RFC3: variants seen among roughly 807,000 people sequenced by gnomAD.
RFC3 encodes the protein replication factor C subunit 3.
In RFC3, 41 loss-of-function variants were observed where a neutral mutation model predicts 45.1. The ratio of observed to expected loss-of-function variants is 0.91; its 90% confidence interval spans 0.71 to 1.18. The LOEUF is 1.18. Ranked by LOEUF, RFC3 falls within the 50% of genes most tolerant of loss-of-function variation. The pLI, the probability that RFC3 is intolerant of heterozygous loss-of-function variation, is 0.00. For synonymous variants in RFC3, 149 were observed against 144.0 expected (o/e 1.03, Z -0.25); for missense variants, 423 against 428.1 (o/e 0.99, Z 0.10).
chr13:33,830,723 G>A lies in RFC3; in HGVS notation c.578G>A (p.Cys193Tyr). ...RVPAPSIEDI[C>Y]HVLSTVCKKE... Reference sequence around the variant, plus strand: ...TTTTGTTAATTTTATTTGTAGATTTGCCACGTGTTATCTACTGTGTGTAAG... The same window carrying A: ...TTTTGTTAATTTTATTTGTAGATTTACCACGTGTTATCTACTGTGTGTAAG... Residue 193 changes from cysteine to tyrosine, a missense_variant, in exon 6 of 9, where the codon TGC (cysteine) becomes TAC (tyrosine). By Grantham distance (194) the Cys-to-Tyr change is radical. Coordinates refer to ENST00000380071, the MANE Select transcript of RFC3 (RefSeq NM_002915.4). The A allele has an allele frequency of 6.3e-7, 1 of 1,596,992 alleles. No individual in the cohort carries two copies. Among genetic ancestry groups the A allele is most frequent in the Non-Finnish European group, 8.5e-7 (1 of 1,174,520 alleles).
chr13:33,910,723 A>G (rs2082698909), intron 8 of RFC3, among the ~76,000 whole-genome samples: 1 of 152,164 alleles, frequency 6.6e-6, no homozygotes, highest in Non-Finnish European at 1.5e-5. Flanking sequence ...CTATAAAGAA[A>G]TATGTGAGAC....
At chr13:33,859,875 T>C (rs540744346) in intron 8 of RFC3, among the ~76,000 whole-genome samples, 26 of 152,260 alleles carry the variant, frequency 1.7e-4, no homozygotes, top group African/African-American at 6.0e-4. Context: ...CAAATTCATA[T>C]GTTGAAGCCC....
chr13:33,828,925 A>G (rs1350631749), intron 4 of RFC3, among the ~76,000 whole-genome samples: 1 of 152,042 alleles, frequency 6.6e-6, no homozygotes, highest in African/African-American at 2.4e-5. Flanking sequence ...GTCTGTCAAA[A>G]TCTTCCTCCC....
At chr13:33,974,269 T>C in the RFC3 span, among the ~76,000 whole-genome samples, 1 of 152,218 alleles carries the variant, frequency 6.6e-6, no homozygotes. Flanking sequence ...TTTTATTTAC[T>C]TGACTTAAGG....
the RFC3 span, among the ~76,000 whole-genome samples, chr13:33,976,327 A>T: frequency 4.6e-5 from 7 of 152,184 alleles, no homozygotes; most frequent in Non-Finnish European, 7.4e-5. Context: ...TAAGCCAGGT[A>T]CAAACAAATA....
intron 8 of RFC3, among the ~76,000 whole-genome samples, chr13:33,960,299 G>A (rs531418204): frequency 3.9e-5 from 6 of 152,214 alleles, no homozygotes; most frequent in South Asian, 4.2e-4. Context: ...TCTTCAGGCC[G>A]GTCTCTGAAC....
chr13:33,929,887 A>G (rs1354595626), intron 8 of RFC3, among the ~76,000 whole-genome samples: 1 of 152,106 alleles, frequency 6.6e-6, no homozygotes, highest in East Asian at 1.9e-4. Flanking sequence ...TCTCTTTAGA[A>G]CAGAGACCCG....
At chr13:33,886,074 C>T (rs748766220) in intron 8 of RFC3, among the ~76,000 whole-genome samples, 1 of 151,984 alleles carries the variant, frequency 6.6e-6, no homozygotes, top group Non-Finnish European at 1.5e-5. Context: ...CTGCCTGACT[C>T]TCTTCTTGTA....
chr13:33,913,856 A>T (rs1040501561), intron 8 of RFC3, among the ~76,000 whole-genome samples: 2 of 152,156 alleles, frequency 1.3e-5, no homozygotes, highest in African/African-American at 2.4e-5. Flanking sequence ...ATTCACATAT[A>T]TGTGTATAGA....
At chr13:33,912,552 G>A (rs2082709637) in intron 8 of RFC3, among the ~76,000 whole-genome samples, 1 of 152,102 alleles carries the variant, frequency 6.6e-6, no homozygotes, top group Non-Finnish European at 1.5e-5. Flanking sequence ...CTGGAGGCAA[G>A]AGGCTGTAAC....
At chr13:33,910,800 T>C (rs1224510768) in intron 8 of RFC3, among the ~76,000 whole-genome samples, 1 of 152,090 alleles carries the variant, frequency 6.6e-6, no homozygotes, top group Non-Finnish European at 1.5e-5. Context: ...GGAATCATGA[T>C]GCTGGCATCT....
chr13:33,843,527 T>G (rs1195000330), intron 8 of RFC3, among the ~76,000 whole-genome samples: 1 of 152,206 alleles, frequency 6.6e-6, no homozygotes, highest in Non-Finnish European at 1.5e-5. Flanking sequence ...AGAGCAGCTG[T>G]GCAAAATAAT....
chr13:33,973,714 A>G, the RFC3 span, among the ~76,000 whole-genome samples: 5 of 148,288 alleles, frequency 3.4e-5, no homozygotes, highest in Admixed American at 6.7e-5. Context: ...GCAGTGGTGC[A>G]ATCTCGGCTC....
At chr13:33,857,629 T>A (rs1474045462) in intron 8 of RFC3, among the ~76,000 whole-genome samples, 1 of 152,150 alleles carries the variant, frequency 6.6e-6, no homozygotes, top group East Asian at 1.9e-4. Context: ...TCCTCTTTTG[T>A]TTGAACGTTT....
chr13:33,905,539 T>G (rs2082667191), intron 8 of RFC3, among the ~76,000 whole-genome samples: 1 of 152,054 alleles, frequency 6.6e-6, no homozygotes, highest in South Asian at 2.1e-4. Context: ...ATCTATGAGT[T>G]TATAACAATA....
chr13:33,924,869 T>C (rs965610175), intron 8 of RFC3, among the ~76,000 whole-genome samples: 1 of 150,536 alleles, frequency 6.6e-6, no homozygotes, highest in Non-Finnish European at 1.5e-5. Context: ...TATTGTATAC[T>C]TAAAATTTGC....
chr13:33,931,246 A>G (rs1227448124), intron 8 of RFC3, among the ~76,000 whole-genome samples: 3 of 152,156 alleles, frequency 2.0e-5, no homozygotes, highest in East Asian at 3.9e-4. Flanking sequence ...CCAAGAAGTC[A>G]TGGATTTAGT....
chr13:33,858,675 C>T (rs1451070683), intron 8 of RFC3, among the ~76,000 whole-genome samples: 1 of 152,174 alleles, frequency 6.6e-6, no homozygotes, highest in Non-Finnish European at 1.5e-5. Flanking sequence ...GGTTGGAGAA[C>T]AGTGGGGCAT....
At chr13:33,920,806 T>A (rs1278845543) in intron 8 of RFC3, among the ~76,000 whole-genome samples, 1 of 152,128 alleles carries the variant, frequency 6.6e-6, no homozygotes, top group Non-Finnish European at 1.5e-5. Context: ...ATCTTTCTTC[T>A]TGGGATCATG....
Sources: allele counts gnomAD v4.1 joint callset (sites outside exome capture counted in the v4.1 genomes callset), GRCh38; gene constraint gnomAD v4.1.1; transcripts MANE v1.5; gene names NCBI Gene and HGNC (gene_info 2026-07-23, HGNC 2026-07-21).